The following PLCH1 variants were observed in gnomAD, a reference collection of about 807,000 sequenced individuals.
PLCH1 encodes 1-phosphatidylinositol 4,5-bisphosphate phosphodiesterase eta-1.
Under a neutral mutation model 126.7 loss-of-function variants are expected in PLCH1, and 60 were observed. The ratio of observed to expected loss-of-function variants is 0.47; its 90% CI spans 0.38 to 0.59. The LOEUF is 0.59. Ranked by LOEUF, PLCH1 falls within the 20% of genes least tolerant of loss-of-function variation. The pLI, the probability that PLCH1 is intolerant of heterozygous loss-of-function variation, is 0.00. For missense variants in PLCH1, 1,723 were observed against 2,040.0 expected, an observed-to-expected ratio of 0.84 and a Z score of 2.99; for synonymous variants, 719 against 734.9, an observed-to-expected ratio of 0.98 and a Z score of 0.35.
At chr3:155,645,313 A>G (rs1014823137) in intron 2 of PLCH1, among the ~76,000 whole-genome samples, 1 of 152,134 alleles carries the variant, frequency 6.6e-6, no homozygotes, top group Non-Finnish European at 1.5e-5. Context: ...AGTCTCAATC[A>G]ATCCTCCTGC....
intron 1 of PLCH1, among the ~76,000 whole-genome samples, chr3:155,710,989 A>C (rs2109104261): frequency 6.8e-6 from 1 of 146,732 alleles, no homozygotes; most frequent in South Asian, 2.2e-4. Context: ...TTTTTTTTTA[A>C]CACAAATTAG....
intron 2 of PLCH1, chr3:155,658,319 G>A (rs896155222): frequency 1.6e-5 from 3 of 188,824 alleles, no homozygotes; most frequent in African/African-American, 2.4e-5. Context: ...TCTCAATCAA[G>A]TTCCTCTGTG....
intron 10 of PLCH1, among the ~76,000 whole-genome samples, chr3:155,534,506 G>C (rs113937829): frequency 6.6e-6 from 1 of 152,152 alleles, no homozygotes; most frequent in Non-Finnish European, 1.5e-5. Context: ...GACTTCCCTC[G>C]TCTCAGATGA....
Position 155,485,419 on chromosome 3 carries a change from C to G in PLCH1, c.2911G>C (p.Gly971Arg), listed in dbSNP as rs748898710. Residue 971 changes from glycine (G) to arginine (R), a missense_variant, in exon 22 of 23, where the codon GGA (glycine) becomes CGA (arginine). By Grantham distance (125) the Gly-to-Arg change is moderately radical. Transcript: ENST00000460012. ...VSMPVDRNLLGALSLPVSETA... is the reference protein window; with the variant it reads ...VSMPVDRNLLRALSLPVSETA... ...TCAGATACAGGCAGCGACAAAGCTC[C>G]CAGAAGGTTTCTGTCAACAGGCATA... 5 of 1,611,680 alleles carry G rather than the reference C, an allele frequency of 3.1e-6. 1 individual carries two copies. The East Asian group carries it at 8.9e-5, about 29-fold the overall frequency.
chr3:155,649,717 A>G (rs58035998), intron 2 of PLCH1, among the ~76,000 whole-genome samples: 58,948 of 151,988 alleles, frequency 0.39, 13,146 homozygotes, highest in African/African-American at 0.63. Flanking sequence ...GGTGGCTCAC[A>G]CCTGTAATCC....
At chr3:155,728,104 C>A (rs1388599710) in intron 1 of PLCH1, among the ~76,000 whole-genome samples, 1 of 152,150 alleles carries the variant, frequency 6.6e-6, no homozygotes, top group Admixed American at 6.5e-5. Context: ...CTTCACTGAG[C>A]TTTTGGCATG....
intron 21 of PLCH1, among the ~76,000 whole-genome samples, chr3:155,464,080 AG>A (rs1215086011): frequency 6.6e-6 from 1 of 152,194 alleles, no homozygotes; most frequent in Non-Finnish European, 1.5e-5. Flanking sequence ...AGTGGAACCC[AG>A]GGTTTCACAG....
intron 2 of PLCH1, chr3:155,676,441 A>T: frequency 1.0e-6 from 1 of 984,666 alleles, no homozygotes; most frequent in Middle Eastern, 5.2e-4. Context: ...TGGGAAGTGT[A>T]GGTCTTTATC....
intron 3 of PLCH1, 94 bp downstream of exon 3, chr3:155,596,138 A>C: frequency 2.3e-6 from 2 of 879,920 alleles, no homozygotes; most frequent in Non-Finnish European, 3.5e-6. Flanking sequence ...TAAAAGTATA[A>C]AACTTCCACA....
chr3:155,590,203 T>A (rs1731939297), intron 4 of PLCH1, among the ~76,000 whole-genome samples: 1 of 152,224 alleles, frequency 6.6e-6, no homozygotes, highest in African/African-American at 2.4e-5. Flanking sequence ...CTAAGTGAAA[T>A]CTAATAATGA....
chr3:155,569,645 C>A (rs1728951314), intron 6 of PLCH1, among the ~76,000 whole-genome samples: 1 of 152,098 alleles, frequency 6.6e-6, no homozygotes, highest in African/African-American at 2.4e-5. Context: ...CTGCTGTGAG[C>A]TAGAGAGATT....
intron 5 of PLCH1, among the ~76,000 whole-genome samples, chr3:155,585,104 C>A (rs1731187974): frequency 6.6e-6 from 1 of 152,170 alleles, no homozygotes; most frequent in Non-Finnish European, 1.5e-5. Context: ...TTCTCTCATG[C>A]TGTTCTCCAG....
chr3:155,608,246 AG>A (rs1258295049), intron 2 of PLCH1, among the ~76,000 whole-genome samples: 1 of 152,254 alleles, frequency 6.6e-6, no homozygotes, highest in East Asian at 1.9e-4. Context: ...AGGACTAGGG[AG>A]GGGGTCACAA....
chr3:155,740,019 T>C (rs557431333), intron 1 of PLCH1, among the ~76,000 whole-genome samples: 1 of 152,260 alleles, frequency 6.6e-6, no homozygotes, highest in Non-Finnish European at 1.5e-5. Flanking sequence ...CCAAAATAGA[T>C]ACCAAATGAA....
Position 155,494,615 on chromosome 3 carries a change from C to A in PLCH1, c.1895-98G>T. 7.3e-6 allele frequency: 7 copies of A among 955,610 alleles called. No individual in the cohort carries two copies. The Admixed American group carries it at 1.3e-4, about 17-fold the overall frequency. 59.2% of individuals were successfully genotyped at this position (955,610 alleles called of 1,614,324 possible). A position where few individuals can be genotyped will look rare whatever the true frequency, so the allele number is the denominator to read the frequency against. ...TAATAATGTCAGATTATACCAATAG[C>A]AAAAAGCAGAGCACTAGAGAGTGGA... is the stretch of plus-strand genomic sequence containing the variant. On this transcript the variant is annotated intron_variant, in intron 15 of 22. Transcript: ENST00000460012.
At position 155,537,934 on chromosome 3, in the gene PLCH1, T is replaced by G. The variant is rs1723664001; in HGVS notation, c.1362+11853A>C. Among the ~76,000 whole-genome samples, 4 of 152,048 alleles carry G rather than the reference T, an allele frequency of 2.6e-5. No individual in the cohort carries two copies. The South Asian group carries it at 8.3e-4, about 32-fold the overall frequency. ...TTTACAGAATATTCTACCCAACAAC[T>G]GCAGAATATATATTCTATTAATTAG... is the stretch of plus-strand genomic sequence containing the variant. On this transcript the variant is annotated intron_variant, in intron 10 of 22. Coordinates refer to ENST00000460012, the MANE Select transcript of PLCH1 (RefSeq NM_014996.4).
intron 2 of PLCH1, among the ~76,000 whole-genome samples, chr3:155,603,629 T>C (rs1003022971): frequency 1.3e-5 from 2 of 152,212 alleles, no homozygotes. Context: ...TTTCTCTATG[T>C]TCTGTGAGTT....
At chr3:155,546,671 G>A (rs1725328994) in intron 10 of PLCH1, among the ~76,000 whole-genome samples, 1 of 151,596 alleles carries the variant, frequency 6.6e-6, no homozygotes, top group Non-Finnish European at 1.5e-5. Flanking sequence ...AAACAGCATG[G>A]TACTGGTACC....
chr3:155,502,288 G>A (rs1718024370), intron 13 of PLCH1, among the ~76,000 whole-genome samples: 1 of 151,666 alleles, frequency 6.6e-6, no homozygotes, highest in Non-Finnish European at 1.5e-5. Flanking sequence ...TTGTTGTGAT[G>A]GTTAAATAAA....
Sources: gnomAD v4.1 joint callset for allele counts (sites outside exome capture counted in the v4.1 genomes callset) on GRCh38, gnomAD v4.1.1 for gene constraint, MANE v1.5 for transcripts, NCBI Gene and HGNC (gene_info 2026-07-23, HGNC 2026-07-21) for gene names.